Variants in TNS4 observed in about 807,000 individuals in gnomAD.
The protein encoded by TNS4 is tensin-4.
In TNS4, 46 loss-of-function variants were observed where a neutral mutation model predicts 70.4. The ratio of observed to expected loss-of-function variants is 0.65; its 90% confidence interval spans 0.52 to 0.84. The LOEUF (loss-of-function observed/expected upper bound fraction) is 0.84. Among genes scored for constraint, TNS4 ranks in the 40% least tolerant of loss-of-function variants. The pLI, the probability that TNS4 is intolerant of heterozygous loss-of-function variation, is 0.00. For synonymous variants in TNS4, 390 were observed against 366.6 expected, an observed-to-expected ratio of 1.06 and a Z score of -0.73; for missense variants, 863 against 907.0, an observed-to-expected ratio of 0.95 and a Z score of 0.62.
chr17:40,486,531 CA>C (rs1465160968), intron 4 of TNS4, among the ~76,000 whole-genome samples: 3 of 146,044 alleles, frequency 2.1e-5, no homozygotes, highest in Non-Finnish European at 4.5e-5. Flanking sequence ...AGGCAAATTC[CA>C]TTTTTTTTTT....
chr17:40,487,222 A>G lies in TNS4; in HGVS notation c.1102T>C (p.Ser368Pro). Residue 368 changes from serine (S) to proline (P), a missense_variant, in exon 4 of 13, where the codon TCC becomes CCC. Physicochemically the swap from Ser to Pro is moderately conservative, Grantham distance 74. Coordinates refer to ENST00000254051, the MANE Select transcript of TNS4 (RefSeq NM_032865.6). ...ASSCPPSITN[S>P]MVDIPIVLIN... ...AGCACAATGGGTATGTCCACCATGGAGTTGGTGATGGATGGGGGGCAGCTG... is the reference window on the plus strand; with the variant it reads ...AGCACAATGGGTATGTCCACCATGGGGTTGGTGATGGATGGGGGGCAGCTG... The G allele has an allele frequency of 6.2e-7, 1 of 1,613,950 alleles. No homozygotes were observed. The highest frequency in any genetic ancestry group is 8.5e-7 in the Non-Finnish European group (1 of 1,179,972).
chr17:40,481,225 C>G (rs2035917855), intron 8 of TNS4, among the ~76,000 whole-genome samples: 1 of 152,232 alleles, frequency 6.6e-6, no homozygotes, highest in Non-Finnish European at 1.5e-5. Flanking sequence ...TGCCCCCCTA[C>G]CTGGCTGTAT....
intron 4 of TNS4, among the ~76,000 whole-genome samples, chr17:40,485,246 G>T (rs2035976299): frequency 6.6e-6 from 1 of 152,216 alleles, no homozygotes; most frequent in African/African-American, 2.4e-5. Context: ...CCTTGGTAAT[G>T]AATAAGGAAT....
Position 40,496,504 on chromosome 17 carries a change from C to G in TNS4, c.-79G>C. 2.1e-6 allele frequency: 3 copies of G among 1,407,624 alleles called. No individual in the cohort carries two copies. The highest frequency in any genetic ancestry group is 2.8e-6 in the Non-Finnish European group (3 of 1,053,118). 87.2% of individuals were successfully genotyped at this position (1,407,624 alleles called of 1,614,324 possible). A position where few individuals can be genotyped will look rare whatever the true frequency, so the allele number is the denominator to read the frequency against. ...ACATCCCAGAGATCTCACTTGCTAA[C>G]CAGGAGCTCCCAGGATCTGAAAGAG... On this transcript the variant is annotated 5_prime_UTR_variant, in exon 2 of 13. Transcript: ENST00000254051.
rs768411399 is a variant in TNS4 at position 40,496,330 on chromosome 17, G to A, written c.96C>T (p.Pro32=). The A allele has an allele frequency of 1.2e-6, 2 of 1,613,626 alleles. No homozygotes were observed. The highest frequency in any genetic ancestry group is 1.7e-4 in the Middle Eastern group (1 of 5,792). The part of the protein sequence containing the change: ...DEPRRTLHPA[P]SPSLPPQCSY... ...AACACTGGGGTGGCAGGCTGGGGCTGGGTGCTGGGTGCAGGGTCCTCCTGG... is the reference window on the plus strand; with the variant it reads ...AACACTGGGGTGGCAGGCTGGGGCTAGGTGCTGGGTGCAGGGTCCTCCTGG... Residue 32 remains proline (P), a synonymous_variant, in exon 2 of 13, where the codon CCC becomes CCT. Transcript: ENST00000254051.
chr17:40,477,086 T>C lies in TNS4; in HGVS notation c.*502A>G, dbSNP rs966748307. 3 of 152,788 alleles carry C rather than the reference T, an allele frequency of 2.0e-5. No individual in the cohort carries two copies. Among genetic ancestry groups the C allele is most frequent in the African/African-American group, 4.8e-5 (2 of 41,398 alleles). 9.5% of individuals were successfully genotyped at this position (152,788 alleles called of 1,614,324 possible). On this transcript the variant is annotated 3_prime_UTR_variant, in exon 13 of 13. Transcript: ENST00000254051. Reference sequence around the variant, plus strand: ...ACAGAGGAACAGATATGGAAGGAAATAGAGTCTATCCATTCCTGTTTTGTA... The same window carrying C: ...ACAGAGGAACAGATATGGAAGGAAACAGAGTCTATCCATTCCTGTTTTGTA...
intron 2 of TNS4, among the ~76,000 whole-genome samples, chr17:40,493,816 C>A (rs2036106154): frequency 6.6e-6 from 1 of 152,216 alleles, no homozygotes; most frequent in South Asian, 2.1e-4. Flanking sequence ...TGTCACCAAC[C>A]CCCACCCAAC....
chr17:40,494,846 G>T (rs956103417), intron 2 of TNS4, among the ~76,000 whole-genome samples: 10 of 152,040 alleles, frequency 6.6e-5, no homozygotes, highest in African/African-American at 2.4e-4. Flanking sequence ...ATATCTTATG[G>T]CTCCTATCTC....
At chr17:40,500,483 G>A (rs1212449267) in intron 1 of TNS4, among the ~76,000 whole-genome samples, 1 of 152,150 alleles carries the variant, frequency 6.6e-6, no homozygotes, top group Non-Finnish European at 1.5e-5. Flanking sequence ...GAGGCACGGG[G>A]CGGGGGCAAG....
chr17:40,488,814 C>T lies in TNS4; in HGVS notation c.595G>A (p.Glu199Lys). ...TGGTTCCCAGAGAAGATGAGGCTCTCACTGCTGCTTCGTGTCTCTCGGGGG... is the reference window on the plus strand; with the variant it reads ...TGGTTCCCAGAGAAGATGAGGCTCTTACTGCTGCTTCGTGTCTCTCGGGGG... ...DVPRETRSSS[E>K]SLIFSGNQGR... The change falls in exon 3 of 13, where the codon GAG becomes AAG. Residue 199 changes from glutamate (E) to lysine (K), a missense_variant. Transcript: ENST00000254051. 1.9e-6 allele frequency: 3 copies of T among 1,613,264 alleles called. No individual in the cohort carries two copies. The highest frequency in any genetic ancestry group is 2.5e-6 in the Non-Finnish European group (3 of 1,179,860).
At chr17:40,484,413 G>A in intron 6 of TNS4, 71 bp downstream of exon 6, 1 of 1,577,622 alleles carries the variant, frequency 6.3e-7, no homozygotes, top group African/African-American at 1.3e-5. Flanking sequence ...TAGTGCCAGA[G>A]CCAGGACTGG....
At chr17:40,501,025 G>A (rs1050403539) in intron 1 of TNS4, among the ~76,000 whole-genome samples, 2 of 152,184 alleles carry the variant, frequency 1.3e-5, no homozygotes, top group African/African-American at 4.8e-5. Context: ...TTGCCGAGGG[G>A]CACAGGTTTA....
intron 9 of TNS4, chr17:40,480,059 CT>C (rs2035901367): frequency 1.7e-6 from 1 of 585,494 alleles, no homozygotes; most frequent in African/African-American, 1.9e-5. Flanking sequence ...GCCCTGGCCC[CT>C]GGCCCTCCAG....
At chr17:40,491,902 C>A (rs1026503916) in intron 2 of TNS4, among the ~76,000 whole-genome samples, 1 of 152,044 alleles carries the variant, frequency 6.6e-6, no homozygotes, top group African/African-American at 2.4e-5. Flanking sequence ...GGGTAAACAG[C>A]CTTGCCTGGC....
At position 40,488,647 on chromosome 17, in the gene TNS4, T is replaced by C. The variant is rs1238972378; in HGVS notation, c.762A>G (p.Pro254=). ...HGLGSPLVAS[P]RLEKRLGGLA... ...GGCCTCCCAGCCGCTTCTCCAGTCT[T>C]GGAGAAGCCACCAGCGGGGAGCCCA... Residue 254 remains proline, a synonymous_variant, in exon 3 of 13, where the codon CCA becomes CCG. Transcript: ENST00000254051. 1.9e-6 allele frequency: 3 copies of C among 1,549,956 alleles called. No homozygotes were observed. The highest frequency in any genetic ancestry group is 2.6e-6 in the Non-Finnish European group (3 of 1,148,404).
chr17:40,488,155 G>C (rs1160394536), intron 3 of TNS4, among the ~76,000 whole-genome samples: 1 of 152,182 alleles, frequency 6.6e-6, no homozygotes, highest in Non-Finnish European at 1.5e-5. Flanking sequence ...GCTAGGTTTT[G>C]CCAGCAACAG....
At chr17:40,483,975 T>C (rs928424442) in intron 6 of TNS4, among the ~76,000 whole-genome samples, 5 of 152,216 alleles carry the variant, frequency 3.3e-5, no homozygotes, top group Non-Finnish European at 7.3e-5. Flanking sequence ...GTATCCCTGC[T>C]GCCTCACACA....
chr17:40,478,016 G>T, intron 12 of TNS4: 1 of 599,476 alleles, frequency 1.7e-6, no homozygotes, highest in Non-Finnish European at 2.9e-6. Context: ...CTCCCTGAGG[G>T]CAAGGATGCA....
intron 2 of TNS4, 131 bp downstream of exon 2, chr17:40,495,856 A>G: frequency 1.1e-6 from 1 of 871,332 alleles, no homozygotes; most frequent in Non-Finnish European, 1.7e-6. Context: ...CAGAGGGGTT[A>G]GTAACTTGGT....
Sources: allele counts gnomAD v4.1 joint callset (sites outside exome capture counted in the v4.1 genomes callset), GRCh38; gene constraint gnomAD v4.1.1; transcripts MANE v1.5; gene names NCBI Gene and HGNC (gene_info 2026-07-23, HGNC 2026-07-21).